Variants in TRPC4AP observed in about 807,000 individuals in gnomAD.
TRPC4AP encodes the protein transient receptor potential cation channel subfamily C member 4 associated protein, also known as short transient receptor potential channel 4-associated protein.
A neutral mutation model predicts 99.0 loss-of-function variants in TRPC4AP; 45 were observed. The ratio of observed to expected loss-of-function variants is 0.45; its 90% CI spans 0.36 to 0.58. The LOEUF (loss-of-function observed/expected upper bound fraction) is 0.58. TRPC4AP is among the 20% of genes least tolerant of loss of function. TRPC4AP has a pLI of 0.00. For missense variants in TRPC4AP, 879 were observed against 985.3 expected, an observed-to-expected ratio of 0.89 and a Z score of 1.44; for synonymous variants, 408 against 385.8, an observed-to-expected ratio of 1.06 and a Z score of -0.67.
chr20:35,085,631 T>C (rs2084820780), intron 1 of TRPC4AP, among the ~76,000 whole-genome samples: 1 of 150,548 alleles, frequency 6.6e-6, no homozygotes, highest in Non-Finnish European at 1.5e-5. Context: ...AAAAAATCAT[T>C]AGAATTTTGT....
intron 16 of TRPC4AP, 50 bp from the exon 17 acceptor site, chr20:35,004,620 G>A (rs1214844132): frequency 6.5e-7 from 1 of 1,533,196 alleles, no homozygotes. Flanking sequence ...CCCAGTGGCT[G>A]GGTCGCCCAG....
intron 8 of TRPC4AP, among the ~76,000 whole-genome samples, chr20:35,031,390 CT>C (rs71299218): frequency 0.035 from 2,606 of 73,536 alleles, 69 homozygotes; most frequent in African/African-American, 0.14. Context: ...CCCTGGTTAA[CT>C]TTTTTTTTTT....
At chr20:35,030,054 T>C (rs6120802) in intron 8 of TRPC4AP, among the ~76,000 whole-genome samples, 149,204 of 149,206 alleles carry the variant, frequency 1, 74,601 homozygotes, top group Non-Finnish European at 1. Flanking sequence ...CCAGCCTGAC[T>C]AACATGGAGA....
chr20:35,021,434 C>T, intron 8 of TRPC4AP, 78 bp from the exon 9 acceptor site: 1 of 1,522,762 alleles, frequency 6.6e-7, no homozygotes, highest in Non-Finnish European at 8.9e-7. Context: ...CTGCTCTGAA[C>T]AGACTTGTAG....
intron 9 of TRPC4AP, among the ~76,000 whole-genome samples, chr20:35,018,497 G>C (rs894380825): frequency 6.6e-6 from 1 of 150,878 alleles, no homozygotes; most frequent in Non-Finnish European, 1.5e-5. Context: ...TTGGAGGGCT[G>C]AGGCAAGAGG....
chr20:35,028,865 G>GTT (rs1276279440), intron 8 of TRPC4AP, among the ~76,000 whole-genome samples: 1 of 152,170 alleles, frequency 6.6e-6, no homozygotes, highest in Admixed American at 6.5e-5. Context: ...ATGCATACAT[G>GTT]TTTATAACTG....
At chr20:35,063,392 A>G (rs1422658872) in intron 3 of TRPC4AP, among the ~76,000 whole-genome samples, 1 of 152,202 alleles carries the variant, frequency 6.6e-6, no homozygotes, top group African/African-American at 2.4e-5. Context: ...CAGGCATAAT[A>G]CAGACATAAA....
At chr20:35,036,053 G>GA (rs143600055) in intron 7 of TRPC4AP, among the ~76,000 whole-genome samples, 6,706 of 152,066 alleles carry the variant, frequency 0.044, 489 homozygotes, top group African/African-American at 0.15. Context: ...TTAAGGTAAA[G>GA]AAAAAAACTG....
At chr20:35,062,416 T>C (rs778593392) in intron 3 of TRPC4AP, among the ~76,000 whole-genome samples, 3 of 152,188 alleles carry the variant, frequency 2.0e-5, no homozygotes, top group Non-Finnish European at 4.4e-5. Flanking sequence ...TAGCCAAAAG[T>C]GGGAACAACC....
intron 8 of TRPC4AP, 148 bp downstream of exon 8, chr20:35,034,975 G>T: frequency 1.3e-6 from 1 of 788,282 alleles, no homozygotes; most frequent in Non-Finnish European, 1.9e-6. Flanking sequence ...TGTCAAAAGA[G>T]TCTTAATAGT....
intron 3 of TRPC4AP, 44 bp from the exon 4 acceptor site, chr20:35,057,615 A>G (rs1280617147): frequency 1.3e-6 from 2 of 1,487,622 alleles, no homozygotes; most frequent in East Asian, 4.6e-5. Context: ...AATTCAAAGT[A>G]TAACTTATAA....
At position 35,078,308 on chromosome 20, in the gene TRPC4AP, C is replaced by T; in HGVS notation, c.169-134G>A. On this transcript the variant is annotated intron_variant, in intron 1 of 18. Transcript: ENST00000252015. ...TATCTCTAAGCACTACTATAAAAAG[C>T]CTCTTTCTATAAATCTTCAAAACCT... 3 of 875,944 alleles carry T rather than the reference C, an allele frequency of 3.4e-6. No individual in the cohort carries two copies. In the South Asian group the frequency reaches 5.7e-5, roughly 17 times the overall value. The allele number at this position is 875,944 out of a possible 1,614,324, so 54.3% of individuals were successfully genotyped here.
At chr20:35,077,947 G>C in intron 2 of TRPC4AP, 99 bp downstream of exon 2, 1 of 1,356,172 alleles carries the variant, frequency 7.4e-7, no homozygotes, top group South Asian at 1.5e-5. Flanking sequence ...GTAAAAACAG[G>C]CTATTTTTAA....
intron 3 of TRPC4AP, among the ~76,000 whole-genome samples, chr20:35,061,367 T>C (rs972383778): frequency 5.9e-5 from 9 of 152,240 alleles, no homozygotes; most frequent in Admixed American, 1.3e-4. Context: ...TTGTAGTTCA[T>C]GGATCAGAAG....
At chr20:35,043,714 ATAAC>A (rs1395966770) in intron 7 of TRPC4AP, among the ~76,000 whole-genome samples, 1 of 152,252 alleles carries the variant, frequency 6.6e-6, no homozygotes, top group Non-Finnish European at 1.5e-5. Context: ...GAGATTAACA[ATAAC>A]TAATGATAAA....
intron 7 of TRPC4AP, among the ~76,000 whole-genome samples, chr20:35,043,499 G>A (rs1447427719): frequency 2.0e-5 from 3 of 151,954 alleles, no homozygotes; most frequent in Admixed American, 6.6e-5. Flanking sequence ...CTCCTGCCTC[G>A]GCCTCCCAAA....
intron 8 of TRPC4AP, among the ~76,000 whole-genome samples, chr20:35,026,800 T>C (rs2083041592): frequency 1.3e-5 from 2 of 152,228 alleles, no homozygotes; most frequent in South Asian, 2.1e-4. Context: ...TCCTAAGTAT[T>C]TTATTTTTTT....
chr20:35,068,835 T>TA (rs1277251386), intron 3 of TRPC4AP, among the ~76,000 whole-genome samples: 7,183 of 137,586 alleles, frequency 0.052, 571 homozygotes, highest in African/African-American at 0.18. Context: ...TTGTTTTAAT[T>TA]AAAAAAAAAA....
chr20:35,050,902 T>G (rs898542035), intron 5 of TRPC4AP, among the ~76,000 whole-genome samples: 1 of 151,868 alleles, frequency 6.6e-6, no homozygotes, highest in African/African-American at 2.4e-5. Flanking sequence ...GAGGCTGAGG[T>G]GAGAGGACCG....
Sources: allele counts gnomAD v4.1 joint callset (sites outside exome capture counted in the v4.1 genomes callset), GRCh38; gene constraint gnomAD v4.1.1; transcripts MANE v1.5; gene names NCBI Gene and HGNC (gene_info 2026-07-23, HGNC 2026-07-21).